The following EXT2 variants were observed in gnomAD, a reference collection of about 807,000 sequenced individuals.
EXT2 encodes exostosin glycosyltransferase 2.
A neutral mutation model predicts 81.6 loss-of-function variants in EXT2; 53 were observed. The ratio of observed to expected loss-of-function variants is 0.65; its 90% CI spans 0.52 to 0.82. EXT2 has a LOEUF of 0.82. Among genes scored for constraint, EXT2 ranks in the 40% least tolerant of loss-of-function variants. EXT2 has a pLI of 0.00. For missense variants in EXT2, 774 were observed against 910.2 expected (o/e 0.85, Z 1.93); for synonymous variants, 320 against 340.0 (o/e 0.94, Z 0.65).
chr11:44,132,687 C>T (rs974991369), intron 7 of EXT2, among the ~76,000 whole-genome samples: 1 of 152,176 alleles, frequency 6.6e-6, no homozygotes, highest in Admixed American at 6.5e-5. Flanking sequence ...GGCCACTTGC[C>T]TCCTCTAGTG....
At chr11:44,181,839 G>A (rs1330122539) in intron 8 of EXT2, among the ~76,000 whole-genome samples, 1 of 152,158 alleles carries the variant, frequency 6.6e-6, no homozygotes, top group Non-Finnish European at 1.5e-5. Context: ...AATACCTGAT[G>A]ATTATTGGCA....
chr11:44,204,555 A>G (rs556748871), intron 9 of EXT2, among the ~76,000 whole-genome samples: 3 of 152,348 alleles, frequency 2.0e-5, no homozygotes, highest in Admixed American at 2.0e-4. Flanking sequence ...ACCCTGGGCC[A>G]TGAACCCGTA....
chr11:44,105,552 A>G (rs540582145), intron 1 of EXT2, among the ~76,000 whole-genome samples: 9 of 152,188 alleles, frequency 5.9e-5, no homozygotes, highest in Non-Finnish European at 1.2e-4. Flanking sequence ...TTGGCCTCCC[A>G]AAGTGCTGGG....
At chr11:44,150,101 T>G (rs1954773124) in intron 7 of EXT2, among the ~76,000 whole-genome samples, 1 of 152,144 alleles carries the variant, frequency 6.6e-6, no homozygotes, top group Admixed American at 6.5e-5. Flanking sequence ...GAAATGGGAT[T>G]AAACTGGAGG....
intron 7 of EXT2, among the ~76,000 whole-genome samples, chr11:44,158,035 ACT>A (rs1423892204): frequency 1.3e-5 from 2 of 152,000 alleles, no homozygotes. Context: ...GGGTTTCAGG[ACT>A]CTGCCTGCTG....
intron 7 of EXT2, among the ~76,000 whole-genome samples, chr11:44,135,243 T>C (rs1165803620): frequency 1.3e-5 from 2 of 152,220 alleles, no homozygotes; most frequent in Non-Finnish European, 2.9e-5. Context: ...CCTACTTGCA[T>C]ACAATTTCAA....
chr11:44,192,751 A>G (rs530779406), intron 8 of EXT2, among the ~76,000 whole-genome samples: 102 of 152,304 alleles, frequency 6.7e-4, no homozygotes, highest in Non-Finnish European at 1.2e-3. Context: ...ACATGTCACA[A>G]GACTAGTACA....
At position 44,153,058 on chromosome 11, in the gene EXT2, C is replaced by T. The variant is rs1053259266; in HGVS notation, c.1174-18553C>T. 2.0e-5 allele frequency among the ~76,000 whole-genome samples: 3 copies of T among 152,138 alleles called. No individual in the cohort carries two copies. The East Asian group carries it at 5.8e-4, about 29-fold the overall frequency. ...CAGTTTGTTGATAGCCACAAAATAA[C>T]TTGCTGAGATTTTTACTGAAATTTT... On this transcript the variant is annotated intron_variant, in intron 7 of 13. Transcript: ENST00000533608.
intron 7 of EXT2, among the ~76,000 whole-genome samples, chr11:44,141,743 C>A (rs1377861934): frequency 6.6e-6 from 1 of 152,176 alleles, no homozygotes; most frequent in African/African-American, 2.4e-5. Context: ...TGTCATGAAT[C>A]CCCAATATGG....
chr11:44,235,523 G>C (rs1335383732), intron 12 of EXT2, among the ~76,000 whole-genome samples: 5 of 151,924 alleles, frequency 3.3e-5, no homozygotes, highest in South Asian at 2.1e-4. Context: ...TAAGATTACA[G>C]GTGTGAGCCA....
chr11:44,114,956 T>C (rs536860366), intron 4 of EXT2, among the ~76,000 whole-genome samples: 1 of 152,208 alleles, frequency 6.6e-6, no homozygotes, highest in African/African-American at 2.4e-5. Context: ...GCAGACCTTC[T>C]TCCTCGTCTT....
In EXT2 at chr11:44,209,838, G is replaced by A. The variant is rs540561721; in HGVS notation, c.1662+2879G>A. Among the ~76,000 whole-genome samples the A allele has an allele frequency of 2.0e-5, 3 of 152,246 alleles. No homozygotes were observed. The South Asian group carries it at 6.2e-4, about 32-fold the overall frequency. On this transcript the variant is annotated intron_variant, in intron 10 of 13. Coordinates refer to ENST00000533608, the MANE Select transcript of EXT2 (RefSeq NM_207122.2). ...AATAATTGTGAACTGTGTTGTTATA[G>A]TGTCTTTTTTTCCTTCTAGAATGTA...
intron 7 of EXT2, among the ~76,000 whole-genome samples, chr11:44,157,093 T>A (rs1470753335): frequency 6.6e-6 from 1 of 152,224 alleles, no homozygotes; most frequent in Non-Finnish European, 1.5e-5. Context: ...GGAGTCTCTG[T>A]CTCTGTGATG....
intron 7 of EXT2, among the ~76,000 whole-genome samples, chr11:44,150,901 C>G (rs1954783207): frequency 6.6e-6 from 1 of 152,130 alleles, no homozygotes; most frequent in Non-Finnish European, 1.5e-5. Context: ...TGCCAACCAT[C>G]AGAGAGTTTT....
chr11:44,181,250 G>A (rs904787718), intron 8 of EXT2, among the ~76,000 whole-genome samples: 11 of 152,144 alleles, frequency 7.2e-5, no homozygotes, highest in African/African-American at 2.7e-4. Flanking sequence ...AAAGTGAGAT[G>A]TCATTCTTAT....
At chr11:44,134,500 T>C (rs1263649867) in intron 7 of EXT2, among the ~76,000 whole-genome samples, 1 of 152,162 alleles carries the variant, frequency 6.6e-6, no homozygotes, top group African/African-American at 2.4e-5. Flanking sequence ...GAATCTGAGG[T>C]AGGCCTTGAG....
chr11:44,170,810 T>TCACACACACACA (rs58131996), intron 7 of EXT2, among the ~76,000 whole-genome samples: 6 of 145,552 alleles, frequency 4.1e-5, no homozygotes, highest in African/African-American at 1.5e-4. Flanking sequence ...ACGTTCACAT[T>TCACACACACACA]CACACACACA....
chr11:44,165,088 C>T (rs1038426114), intron 7 of EXT2, among the ~76,000 whole-genome samples: 34 of 152,068 alleles, frequency 2.2e-4, no homozygotes, highest in African/African-American at 7.7e-4. Flanking sequence ...CCGTTTTAGC[C>T]GGGATGGTCT....
intron 7 of EXT2, among the ~76,000 whole-genome samples, chr11:44,137,303 T>G (rs1037912140): frequency 6.6e-6 from 1 of 152,220 alleles, no homozygotes; most frequent in Non-Finnish European, 1.5e-5. Flanking sequence ...TGGACTGATT[T>G]GCAGTTGTTT....
Sources: allele counts gnomAD v4.1 joint callset (sites outside exome capture counted in the v4.1 genomes callset), GRCh38; gene constraint gnomAD v4.1.1; transcripts MANE v1.5; gene names NCBI Gene and HGNC (gene_info 2026-07-23, HGNC 2026-07-21).